The following XPNPEP1 variants were observed in gnomAD, a reference collection of about 807,000 sequenced individuals.
XPNPEP1 encodes X-prolyl aminopeptidase 1.
XPNPEP1 carries 39 observed loss-of-function variants against 92.4 expected under a neutral mutation model. The observed-to-expected ratio is 0.42, with a 90% CI of 0.33 to 0.55. The LOEUF (loss-of-function observed/expected upper bound fraction) is 0.55. XPNPEP1 is among the 20% of genes least tolerant of loss of function. The pLI is 0.08. For synonymous variants in XPNPEP1, 307 were observed against 299.4 expected, an observed-to-expected ratio of 1.03 and a Z score of -0.26; for missense variants, 654 against 856.1, an observed-to-expected ratio of 0.76 and a Z score of 2.95.
In XPNPEP1 at chr10:109,884,057, A is replaced by T. The variant is rs201541454; in HGVS notation, c.830+10T>A. The T allele has an allele frequency of 3.8e-5, 62 of 1,612,470 alleles. No individual in the cohort carries two copies. Among genetic ancestry groups the T allele is most frequent in the Admixed American group, 3.3e-4 (20 of 59,772 alleles). ...TGGAAGGGAGTTCCAGATGCAGGGC[A>T]AACACTCACATGATCGTCTCTAGTC... On this transcript the variant is annotated intron_variant, in intron 9 of 20. Coordinates refer to ENST00000502935, the MANE Select transcript of XPNPEP1 (RefSeq NM_020383.4).
At chr10:109,902,232 C>T (rs1340571049) in intron 3 of XPNPEP1, among the ~76,000 whole-genome samples, 4 of 152,260 alleles carry the variant, frequency 2.6e-5, no homozygotes, top group African/African-American at 9.6e-5. Context: ...TTTCAAGTGA[C>T]ATCAAGCATT....
chr10:109,897,137 G>A lies in XPNPEP1; in HGVS notation c.247-4062C>T, dbSNP rs76543572. ...CTGATTTCTGAAATGCAGGCCACAT[G>A]TTGCTAACCTTCAATATTTCAGAAG... is the stretch of plus-strand genomic sequence containing the variant. On this transcript the variant is annotated intron_variant, in intron 3 of 20. Coordinates refer to ENST00000502935, the MANE Select transcript of XPNPEP1 (RefSeq NM_020383.4). Among the ~76,000 whole-genome samples the A allele has an allele frequency of 1.6e-3, 243 of 152,236 alleles. 2 individuals carry two copies. The highest frequency in any genetic ancestry group is 3.4e-3 in the Middle Eastern group (1 of 294).
In XPNPEP1 at chr10:109,877,980, C is replaced by A. The variant is rs528595380; in HGVS notation, c.1241+20G>T. On this transcript the variant is annotated intron_variant, in intron 13 of 20. Coordinates refer to ENST00000502935, the MANE Select transcript of XPNPEP1 (RefSeq NM_020383.4). Reference sequence around the variant, plus strand: ...GAAAATCAGCACGAGGCTCCTGGGTCCCCCCAAATGGATCCTTACCTGCGA... The same window carrying A: ...GAAAATCAGCACGAGGCTCCTGGGTACCCCCAAATGGATCCTTACCTGCGA... 33 of 1,614,194 alleles carry A rather than the reference C, an allele frequency of 2.0e-5. No individual in the cohort carries two copies. In the East Asian group the frequency reaches 4.5e-4, roughly 22 times the overall value.
intron 3 of XPNPEP1, among the ~76,000 whole-genome samples, chr10:109,900,735 C>T (rs1055838046): frequency 2.6e-5 from 4 of 152,206 alleles, no homozygotes; most frequent in South Asian, 2.1e-4. Flanking sequence ...ATACTAAACA[C>T]TGCTCCCTCT....
chr10:109,881,287 C>A (rs1272423237), intron 10 of XPNPEP1, among the ~76,000 whole-genome samples: 1 of 152,148 alleles, frequency 6.6e-6, no homozygotes, highest in Non-Finnish European at 1.5e-5. Flanking sequence ...CGAAATCACC[C>A]TTCTCTTGCT....
chr10:109,866,310 G>A (rs1847140849), intron 20 of XPNPEP1, among the ~76,000 whole-genome samples: 1 of 152,194 alleles, frequency 6.6e-6, no homozygotes, highest in Admixed American at 6.5e-5. Flanking sequence ...AGATAGGGTG[G>A]TGTTACCAAC....
chr10:109,893,168 A>G, intron 3 of XPNPEP1, 93 bp from the exon 4 acceptor site: 1 of 1,227,182 alleles, frequency 8.1e-7, no homozygotes, highest in Non-Finnish European at 1.2e-6. Flanking sequence ...AGCGGGGACT[A>G]TGAAGACTGG....
rs186055369 is a variant in XPNPEP1 at position 109,872,006 on chromosome 10, A to G, written c.1453-145T>C. 3 of 758,458 alleles carry G rather than the reference A, an allele frequency of 4.0e-6. No individual in the cohort carries two copies. In the East Asian group the frequency reaches 8.6e-5, roughly 22 times the overall value. The allele number at this position is 758,458 out of a possible 1,614,324, so 47.0% of individuals were successfully genotyped here. On this transcript the variant is annotated intron_variant, in intron 16 of 20. Coordinates refer to ENST00000502935, the MANE Select transcript of XPNPEP1 (RefSeq NM_020383.4). ...AAGTAAAAAGAAAAAAATCTGGTGG[A>G]AAAAAAGCCTGGCCACGGGACCAAT...
chr10:109,893,126 C>T, intron 3 of XPNPEP1, 51 bp from the exon 4 acceptor site: 1 of 1,545,970 alleles, frequency 6.5e-7, no homozygotes, highest in Non-Finnish European at 8.9e-7. Flanking sequence ...CATGAGCAGA[C>T]TGTTCTGCCT....
intron 12 of XPNPEP1, among the ~76,000 whole-genome samples, chr10:109,878,905 T>G (rs1187140064): frequency 6.6e-6 from 1 of 151,470 alleles, no homozygotes; most frequent in South Asian, 2.1e-4. Context: ...GAAAAAAAAT[T>G]TATCTGCACA....
chr10:109,923,051 G>T (rs533041398), intron 1 of XPNPEP1, among the ~76,000 whole-genome samples: 1 of 152,178 alleles, frequency 6.6e-6, no homozygotes, highest in Non-Finnish European at 1.5e-5. Context: ...CCCCGGACAC[G>T]AAGAGGGGCC....
intron 1 of XPNPEP1, among the ~76,000 whole-genome samples, chr10:109,918,718 G>A (rs1850328714): frequency 1.3e-5 from 2 of 151,618 alleles, no homozygotes; most frequent in African/African-American, 4.8e-5. Flanking sequence ...CTGAGATCGG[G>A]CCACTGCACT....
chr10:109,865,350 T>C (rs483072), intron 20 of XPNPEP1, 38 bp from the exon 21 acceptor site: 1,611,471 of 1,613,028 alleles, frequency 1, 804,967 homozygotes, highest in East Asian at 1. Context: ...TATTCACCAC[T>C]ACATCTTTAA....
chr10:109,914,281 A>G (rs1011131335), intron 2 of XPNPEP1, among the ~76,000 whole-genome samples: 1 of 152,250 alleles, frequency 6.6e-6, no homozygotes, highest in Non-Finnish European at 1.5e-5. Context: ...CACTCAATTT[A>G]TAAAGGACAA....
chr10:109,896,996 T>C (rs1564776482), intron 3 of XPNPEP1, among the ~76,000 whole-genome samples: 1 of 152,220 alleles, frequency 6.6e-6, no homozygotes, highest in Admixed American at 6.5e-5. Context: ...AGGAAACTAA[T>C]ACATTATCTA....
At chr10:109,917,694 C>A (rs1850267047) in intron 1 of XPNPEP1, among the ~76,000 whole-genome samples, 1 of 152,158 alleles carries the variant, frequency 6.6e-6, no homozygotes, top group Admixed American at 6.5e-5. Flanking sequence ...AGAACAAAAT[C>A]TTGAAAAGAA....
At chr10:109,918,870 A>AGGAG (rs1427481653) in intron 1 of XPNPEP1, among the ~76,000 whole-genome samples, 4 of 58,568 alleles carry the variant, frequency 6.8e-5, no homozygotes, top group South Asian at 1.1e-3. Flanking sequence ...GAAGGAAGGA[A>AGGAG]GGAAGGAAGG....
At chr10:109,898,110 T>C (rs551157535) in intron 3 of XPNPEP1, among the ~76,000 whole-genome samples, 1 of 152,204 alleles carries the variant, frequency 6.6e-6, no homozygotes, top group Non-Finnish European at 1.5e-5. Context: ...TCTACTTTCA[T>C]CAGCCACAGA....
chr10:109,866,346 A>G (rs983264738), intron 20 of XPNPEP1, among the ~76,000 whole-genome samples: 2 of 152,166 alleles, frequency 1.3e-5, no homozygotes, highest in African/African-American at 2.4e-5. Context: ...CAGGGTTCCA[A>G]TCCCTACTGA....
Sources: gnomAD v4.1 joint callset for allele counts (sites outside exome capture counted in the v4.1 genomes callset) on GRCh38, gnomAD v4.1.1 for gene constraint, MANE v1.5 for transcripts, NCBI Gene and HGNC (gene_info 2026-07-23, HGNC 2026-07-21) for gene names.